Variants in MGAT4A observed in about 807,000 individuals in gnomAD.
MGAT4A encodes the protein N-acetylglucosaminyltransferase IVa.
MGAT4A carries 33 observed loss-of-function variants against 74.1 expected under a neutral mutation model. That is an observed-to-expected ratio of 0.45 (90% confidence interval 0.34 to 0.60). The LOEUF is 0.60. Ranked by LOEUF, MGAT4A falls within the 20% of genes least tolerant of loss-of-function variation. MGAT4A has a pLI of 0.02. For synonymous variants in MGAT4A, 198 were observed against 210.4 expected (o/e 0.94, Z 0.51); for missense variants, 479 against 628.3 (o/e 0.76, Z 2.54).
intron 2 of MGAT4A, among the ~76,000 whole-genome samples, chr2:98,708,740 T>C (rs1424989482): frequency 6.6e-6 from 1 of 152,264 alleles, no homozygotes; most frequent in Non-Finnish European, 1.5e-5. Flanking sequence ...ACAGTTAAAC[T>C]GGTTGTTTAA....
At chr2:98,663,004 A>G in intron 5 of MGAT4A, 42 bp downstream of exon 5, 2 of 1,372,120 alleles carry the variant, frequency 1.5e-6, no homozygotes, top group Non-Finnish European at 1.9e-6. Context: ...CAACTCTTAT[A>G]GGCTATATTT....
At position 98,624,073 on chromosome 2, in the gene MGAT4A, T is replaced by C. The variant is rs1178283681; in HGVS notation, c.*1493A>G. 1.4e-5 allele frequency: 13 copies of C among 951,396 alleles called. No homozygotes were observed. The highest frequency in any genetic ancestry group is 1.2e-4 in the Admixed American group (2 of 16,176). 58.9% of individuals were successfully genotyped at this position (951,396 alleles called of 1,614,324 possible). ...TGTCGCCCAGGCTGGAGTGCAGTGG[T>C]GCGATCTCAGCTCACTGCCAGCTCT... is the stretch of plus-strand genomic sequence containing the variant. On this transcript the variant is annotated 3_prime_UTR_variant, in exon 16 of 16. Coordinates refer to ENST00000393487, the MANE Select transcript of MGAT4A (RefSeq NM_012214.3).
intron 2 of MGAT4A, among the ~76,000 whole-genome samples, chr2:98,721,168 C>T (rs1367586701): frequency 6.6e-6 from 1 of 152,124 alleles, no homozygotes; most frequent in African/African-American, 2.4e-5. Context: ...CCTTGTTAAC[C>T]AAGAATCCTA....
intron 4 of MGAT4A, among the ~76,000 whole-genome samples, chr2:98,664,077 C>T (rs890466851): frequency 2.0e-5 from 3 of 151,746 alleles, no homozygotes; most frequent in African/African-American, 4.8e-5. Flanking sequence ...CATGGTGGCG[C>T]ACACCTATAA....
At chr2:98,628,990 A>C (rs1701185995) in intron 14 of MGAT4A, among the ~76,000 whole-genome samples, 2 of 152,250 alleles carry the variant, frequency 1.3e-5, no homozygotes, top group Non-Finnish European at 2.9e-5. Flanking sequence ...TCTTCCAAAA[A>C]AACTTTATTT....
chr2:98,729,072 A>G (rs575041499), intron 1 of MGAT4A, among the ~76,000 whole-genome samples: 1 of 152,172 alleles, frequency 6.6e-6, no homozygotes, highest in Non-Finnish European at 1.5e-5. Context: ...CTAAATACAA[A>G]TAAAGCTTGT....
intron 2 of MGAT4A, among the ~76,000 whole-genome samples, chr2:98,715,462 T>C (rs1417080109): frequency 6.6e-6 from 1 of 151,260 alleles, no homozygotes; most frequent in African/African-American, 2.4e-5. Context: ...TTGCTGCAGG[T>C]AGTCATAAAA....
At chr2:98,720,623 A>AGT (rs57302536) in intron 2 of MGAT4A, among the ~76,000 whole-genome samples, 1,675 of 150,876 alleles carry the variant, frequency 0.011, 25 homozygotes, top group African/African-American at 0.029. Context: ...CATGTGTTTG[A>AGT]GTGTGTGTGT....
chr2:98,630,263 G>C (rs553947492), intron 14 of MGAT4A, among the ~76,000 whole-genome samples: 2 of 152,258 alleles, frequency 1.3e-5, no homozygotes, highest in East Asian at 1.9e-4. Context: ...GAGTGAAAAA[G>C]AATGAGTCGT....
chr2:98,721,337 C>A (rs1702667578), intron 2 of MGAT4A, among the ~76,000 whole-genome samples: 1 of 152,144 alleles, frequency 6.6e-6, no homozygotes, highest in Non-Finnish European at 1.5e-5. Flanking sequence ...TGGTTCAAAT[C>A]CACACAAAAA....
intron 2 of MGAT4A, among the ~76,000 whole-genome samples, chr2:98,690,886 G>C (rs1020164558): frequency 6.6e-6 from 1 of 152,146 alleles, no homozygotes; most frequent in African/African-American, 2.4e-5. Flanking sequence ...AGAGCAGATG[G>C]AGAGAATCAG....
chr2:98,673,393 A>C (rs1245109641), intron 4 of MGAT4A, among the ~76,000 whole-genome samples: 1 of 152,142 alleles, frequency 6.6e-6, no homozygotes, highest in African/African-American at 2.4e-5. Context: ...TTCTATGGGC[A>C]TTTTCCAAAG....
At chr2:98,693,762 C>T (rs1186064632) in intron 2 of MGAT4A, among the ~76,000 whole-genome samples, 3 of 151,294 alleles carry the variant, frequency 2.0e-5, no homozygotes, top group Middle Eastern at 3.5e-3. Context: ...ACTGATAAAA[C>T]GTCAACCCCT....
chr2:98,716,301 G>A (rs979472079), intron 2 of MGAT4A, among the ~76,000 whole-genome samples: 5 of 152,158 alleles, frequency 3.3e-5, no homozygotes, highest in African/African-American at 1.2e-4. Context: ...TCCAGCCTGT[G>A]TGACAGAGTG....
intron 2 of MGAT4A, among the ~76,000 whole-genome samples, chr2:98,713,847 A>G (rs1702552602): frequency 6.6e-6 from 1 of 152,252 alleles, no homozygotes; most frequent in Non-Finnish European, 1.5e-5. Context: ...ACAGTAATAT[A>G]TTGACCTAAC....
At chr2:98,697,565 C>T (rs1329167155) in intron 2 of MGAT4A, among the ~76,000 whole-genome samples, 1 of 152,200 alleles carries the variant, frequency 6.6e-6, no homozygotes, top group Admixed American at 6.5e-5. Context: ...ACATTATATA[C>T]ACATAAGTTA....
intron 8 of MGAT4A, among the ~76,000 whole-genome samples, chr2:98,645,839 CAG>C (rs931646351): frequency 6.6e-6 from 1 of 151,718 alleles, no homozygotes; most frequent in Non-Finnish European, 1.5e-5. Context: ...GTGGATGGGG[CAG>C]AGAGAGCACA....
intron 8 of MGAT4A, among the ~76,000 whole-genome samples, chr2:98,651,071 A>AAAG (rs1553536594): frequency 7.3e-5 from 11 of 150,770 alleles, no homozygotes; most frequent in African/African-American, 9.8e-5. Context: ...TCTCAAAAAA[A>AAAG]AAAGAAAGAA....
At chr2:98,698,671 C>T (rs1177781667) in intron 2 of MGAT4A, among the ~76,000 whole-genome samples, 2 of 152,150 alleles carry the variant, frequency 1.3e-5, no homozygotes, top group East Asian at 1.9e-4. Context: ...GATCTCCTCA[C>T]GTTGCCCAGG....
Sources: allele counts gnomAD v4.1 joint callset (sites outside exome capture counted in the v4.1 genomes callset), GRCh38; gene constraint gnomAD v4.1.1; transcripts MANE v1.5; gene names NCBI Gene and HGNC (gene_info 2026-07-23, HGNC 2026-07-21).